The following TGFBI variants were observed in gnomAD, a reference collection of about 807,000 sequenced individuals.
TGFBI encodes transforming growth factor beta induced.
TGFBI carries 50 observed loss-of-function variants against 73.7 expected under a neutral mutation model. That is an observed-to-expected ratio of 0.68 (90% CI 0.54 to 0.86). TGFBI has a LOEUF of 0.86. TGFBI is among the 40% of genes least tolerant of loss of function. The pLI is 0.00. For missense variants in TGFBI, 839 were observed against 877.0 expected (o/e 0.96, Z 0.55); for synonymous variants, 362 against 360.5 (o/e 1.00, Z -0.05).
intron 2 of TGFBI, among the ~76,000 whole-genome samples, chr5:136,036,068 G>A (rs139562700): frequency 2.6e-5 from 4 of 152,346 alleles, no homozygotes; most frequent in Admixed American, 2.6e-4. Flanking sequence ...CAAGGCACAA[G>A]CAACAGAGCT....
At chr5:136,054,427 G>A (rs58733231) in intron 9 of TGFBI, among the ~76,000 whole-genome samples, 92 of 152,306 alleles carry the variant, frequency 6.0e-4, no homozygotes, top group African/African-American at 2.2e-3. Flanking sequence ...GTCAGAGTGA[G>A]GGTACAGCTG....
intron 2 of TGFBI, among the ~76,000 whole-genome samples, chr5:136,038,638 T>C (rs1341025722): frequency 2.6e-5 from 4 of 151,102 alleles, no homozygotes; most frequent in Admixed American, 2.0e-4. Context: ...GGAGAATTGC[T>C]TGAACCCAGG....
rs1416931353 is a variant in TGFBI, at chr5:136,033,807, A to G, written c.179A>G (p.Lys60Arg). 1.2e-6 allele frequency: 2 copies of G among 1,614,000 alleles called. No homozygotes were observed. Among genetic ancestry groups the G allele is most frequent in the Non-Finnish European group, 8.5e-7 (1 of 1,179,884 alleles). Reference protein sequence around the residue: ...AVQKVIGTNRKYFTNCKQWYQ... With the variant: ...AVQKVIGTNRRYFTNCKQWYQ... ...CAGAAGGTTATTGGCACTAATAGGA[A>G]GTACTTCACCAACTGCAAGCAGTGG... The change falls in exon 2 of 17, where the codon AAG becomes AGG. Residue 60 changes from lysine (K) to arginine (R), a missense_variant. Physicochemically the swap from Lys to Arg is conservative, Grantham distance 26. Coordinates refer to ENST00000442011, the MANE Select transcript of TGFBI (RefSeq NM_000358.3).
chr5:136,052,901 C>G lies in TGFBI; in HGVS notation c.914-6C>G. On this transcript the variant is annotated splice_polypyrimidine_tract_variant and splice_region_variant and intron_variant, in intron 7 of 16. Transcript: ENST00000442011. Reference sequence around the variant, plus strand: ...CTGACTTGACCTGAGTCTGTTTGGACCCCAGACCTGCTGAACAACCACATC... The same window carrying G: ...CTGACTTGACCTGAGTCTGTTTGGAGCCCAGACCTGCTGAACAACCACATC... 9 of 1,613,232 alleles carry G rather than the reference C, an allele frequency of 5.6e-6. No individual in the cohort carries two copies. Among genetic ancestry groups the G allele is most frequent in the Non-Finnish European group, 7.6e-6 (9 of 1,179,324 alleles).
In TGFBI at chr5:136,049,477, A is replaced by C; in HGVS notation, c.810A>C (p.Glu270Asp). The change falls in exon 7 of 17, where the codon GAA becomes GAC. Residue 270 changes from glutamate to aspartate, a missense_variant. Glu to Asp is a conservative substitution (Grantham distance 45). Transcript: ENST00000442011. ...VAASGLNTML[E>D]GNGQYTLLAP... The stretch of plus-strand genomic sequence containing the variant: ...CATCAGGGCTCAACACGATGCTTGA[A>C]GGTAACGGCCAGTACACGCTTTTGG... The C allele has an allele frequency of 1.2e-6, 2 of 1,614,014 alleles. No homozygotes were observed. The highest frequency in any genetic ancestry group is 1.7e-6 in the Non-Finnish European group (2 of 1,179,874).
intron 1 of TGFBI, among the ~76,000 whole-genome samples, chr5:136,033,241 C>T (rs1309421149): frequency 2.0e-5 from 3 of 152,194 alleles, no homozygotes; most frequent in African/African-American, 7.2e-5. Context: ...TGGAGAAAGG[C>T]TCCTGGGGGA....
chr5:136,030,574 G>C (rs1465025195), intron 1 of TGFBI, among the ~76,000 whole-genome samples: 1 of 152,168 alleles, frequency 6.6e-6, no homozygotes, highest in Non-Finnish European at 1.5e-5. Flanking sequence ...TTCTGGAAGT[G>C]GGAGAATCAG....
rs748459664 is a variant in TGFBI at position 136,059,088 on chromosome 5, A to C, written c.1679-2A>C. 6 of 1,610,908 alleles carry C rather than the reference A, an allele frequency of 3.7e-6. No individual in the cohort carries two copies. The highest frequency in any genetic ancestry group is 3.4e-5 in the Admixed American group (2 of 59,658). On this transcript the variant is annotated splice_acceptor_variant, in intron 12 of 16. Coordinates refer to ENST00000442011, the MANE Select transcript of TGFBI (RefSeq NM_000358.3). LOFTEE classifies it high-confidence loss of function. ...TCTATCTCCTTTTCCCGCAACCTGC[A>C]GGAGATGCCAAGGAACTTGCCAACA...
At chr5:136,051,406 G>A (rs1443416049) in intron 7 of TGFBI, among the ~76,000 whole-genome samples, 1 of 151,750 alleles carries the variant, frequency 6.6e-6, no homozygotes, top group Non-Finnish European at 1.5e-5. Context: ...CTCCAGCCTG[G>A]GCAACAAAGC....
intron 2 of TGFBI, among the ~76,000 whole-genome samples, chr5:136,038,800 C>T (rs1003110192): frequency 2.0e-5 from 3 of 151,908 alleles, no homozygotes; most frequent in Non-Finnish European, 2.9e-5. Flanking sequence ...TTGAGTGATG[C>T]AACCACAAGC....
In TGFBI at chr5:136,061,520, G is replaced by A. The variant is rs772899840; in HGVS notation, c.1927G>A (p.Gly643Arg). Residue 643 changes from glycine (G) to arginine (R), a missense_variant, in exon 15 of 17, where the codon GGG (glycine) becomes AGG (arginine). Coordinates refer to ENST00000442011, the MANE Select transcript of TGFBI (RefSeq NM_000358.3). ...TTCAGCCAACAGACCTCAGGAAAGA[G>A]GGGATGAACTTGCAGACTCTGCGCT... ...QPPANRPQERGDELADSALEI... is the reference protein window; with the variant it reads ...QPPANRPQERRDELADSALEI... 2 of 1,609,598 alleles carry A rather than the reference G, an allele frequency of 1.2e-6. No homozygotes were observed. Among genetic ancestry groups the A allele is most frequent in the Non-Finnish European group, 1.7e-6 (2 of 1,177,886 alleles).
At chr5:136,031,496 T>A (rs1211706229) in intron 1 of TGFBI, among the ~76,000 whole-genome samples, 1 of 152,258 alleles carries the variant, frequency 6.6e-6, no homozygotes, top group African/African-American at 2.4e-5. Context: ...CTACTGTTCA[T>A]GTTCCCATTT....
At chr5:136,036,007 G>A (rs1439449428) in intron 2 of TGFBI, among the ~76,000 whole-genome samples, 1 of 152,214 alleles carries the variant, frequency 6.6e-6, no homozygotes, top group Non-Finnish European at 1.5e-5. Context: ...TGAGAATACT[G>A]TCAGTGATGA....
intron 1 of TGFBI, among the ~76,000 whole-genome samples, chr5:136,032,215 T>C (rs928304121): frequency 2.6e-5 from 4 of 152,174 alleles, no homozygotes; most frequent in Non-Finnish European, 5.9e-5. Flanking sequence ...GGCATGGGCC[T>C]CTGCTGGCTG....
In TGFBI at chr5:136,029,067, C is replaced by A. The variant is rs1270971938; in HGVS notation, c.12C>A (p.Phe4Leu). The change falls in exon 1 of 17, where the codon TTC becomes TTA. Residue 4 changes from phenylalanine (F) to leucine (L), a missense_variant. Physicochemically the swap from Phe to Leu is conservative, Grantham distance 22 (BLOSUM62 0). Coordinates refer to ENST00000442011, the MANE Select transcript of TGFBI (RefSeq NM_000358.3). The stretch of plus-strand genomic sequence containing the variant: ...CGTCGTCCCGCTCCATGGCGCTCTT[C>A]GTGCGGCTGCTGGCTCTCGCCCTGG... The part of the protein sequence containing the change: MAL[F>L]VRLLALALAL... The A allele has an allele frequency of 1.3e-6, 2 of 1,527,756 alleles. No individual in the cohort carries two copies. The highest frequency in any genetic ancestry group is 2.0e-5 in the Admixed American group (1 of 50,732). The allele number at this position is 1,527,756 out of a possible 1,614,324, so 94.6% of individuals were successfully genotyped here.
chr5:136,044,149 G>C (rs531607032), intron 3 of TGFBI, 27 bp downstream of exon 3: 6 of 1,595,954 alleles, frequency 3.8e-6, no homozygotes, highest in Middle Eastern at 1.7e-4. Flanking sequence ...GGCCTTGCCT[G>C]TTGGTGTGGG....
rs1197572372 is a variant in TGFBI, at chr5:136,046,336, C to A, written c.300C>A (p.Ala100=). ...TCCTTCTGTCTTCTGCTCCTGCAGC[C>A]CTACCACTCTCAAACCTTTACGAGA... The part of the protein sequence containing the change: ...KVPGEKGCPA[A]LPLSNLYETL... The change falls in exon 4 of 17, where the codon GCC becomes GCA. Residue 100 remains alanine (A), a splice_region_variant and synonymous_variant. Coordinates refer to ENST00000442011, the MANE Select transcript of TGFBI (RefSeq NM_000358.3). 1 of 1,613,940 alleles carries A rather than the reference C, an allele frequency of 6.2e-7. No homozygotes were observed. Among genetic ancestry groups the A allele is most frequent in the East Asian group, 2.2e-5 (1 of 44,880 alleles).
At chr5:136,045,545 C>G (rs1317312446) in intron 3 of TGFBI, among the ~76,000 whole-genome samples, 1 of 151,410 alleles carries the variant, frequency 6.6e-6, no homozygotes, top group African/African-American at 2.4e-5. Context: ...AACTCCATCT[C>G]AAAAATAAAT....
rs1349495167 is a variant in TGFBI at position 136,062,678 on chromosome 5, G to A, written c.2002G>A (p.Val668Met). Residue 668 changes from valine to methionine, a missense_variant, in exon 16 of 17, where the codon GTG (valine) becomes ATG (methionine). By Grantham distance (21) the Val-to-Met change is conservative (BLOSUM62 1). Transcript: ENST00000442011. ...SAFSRASQRSVRLAPVYQKLL... is the reference protein window; with the variant it reads ...SAFSRASQRSMRLAPVYQKLL... Reference sequence around the variant, plus strand: ...TTTCTTTCAGGCTTCCCAGAGGTCTGTGCGACTAGGTGAGTCTGGTCTGGG... The same window carrying A: ...TTTCTTTCAGGCTTCCCAGAGGTCTATGCGACTAGGTGAGTCTGGTCTGGG... 1.3e-6 allele frequency: 2 copies of A among 1,567,582 alleles called. No individual in the cohort carries two copies. Among genetic ancestry groups the A allele is most frequent in the Non-Finnish European group, 1.7e-6 (2 of 1,154,444 alleles).
Sources: allele counts gnomAD v4.1 joint callset (sites outside exome capture counted in the v4.1 genomes callset), GRCh38; gene constraint gnomAD v4.1.1; transcripts MANE v1.5; gene names NCBI Gene and HGNC (gene_info 2026-07-23, HGNC 2026-07-21).